Variants in PPP2R2C observed in about 807,000 individuals in gnomAD.
The protein encoded by PPP2R2C is protein phosphatase 2 regulatory subunit Bgamma.
Under a neutral mutation model 45.3 loss-of-function variants are expected in PPP2R2C, and 10 were observed. That is an observed-to-expected ratio of 0.22 (90% CI 0.14 to 0.37). The LOEUF is 0.37. Among genes scored for constraint, PPP2R2C ranks in the 10% least tolerant of loss-of-function variants. The probability of loss-of-function intolerance (pLI) is 1.00; values close to 1 mark genes in which losing one functional copy is unlikely to be tolerated. For missense variants in PPP2R2C, 308 were observed against 619.7 expected, an observed-to-expected ratio of 0.50 and a Z score of 5.34; for synonymous variants, 257 against 245.4, an observed-to-expected ratio of 1.05 and a Z score of -0.44.
rs1050105193 is a variant in PPP2R2C at position 6,339,803 on chromosome 4, C to G, written c.791-6072G>C. 3.9e-4 allele frequency among the ~76,000 whole-genome samples: 60 copies of G among 152,280 alleles called. 1 individual carries two copies. The highest frequency in any genetic ancestry group is 1.4e-3 in the African/African-American group (57 of 41,564). ...CCCCTGGCTACCCTGGCCACGGGTC[C>G]CTCCTGTGATCTGATGGGATACAAG... is the stretch of plus-strand genomic sequence containing the variant. On this transcript the variant is annotated intron_variant, in intron 6 of 8. Transcript: ENST00000382599.
chr4:6,490,153 G>A (rs1386558471), intron 2 of PPP2R2C, among the ~76,000 whole-genome samples: 1 of 152,188 alleles, frequency 6.6e-6, no homozygotes, highest in Non-Finnish European at 1.5e-5. Flanking sequence ...CCAAAGGCCT[G>A]ATGCTCATCC....
At chr4:6,381,740 C>A in intron 1 of PPP2R2C, 2 of 1,588,954 alleles carry the variant, frequency 1.3e-6, no homozygotes, top group South Asian at 2.3e-5. Flanking sequence ...TTCTTCAGGT[C>A]ACTCAGGAAC....
intron 3 of PPP2R2C, among the ~76,000 whole-genome samples, chr4:6,376,928 G>A (rs1049209491): frequency 1.2e-4 from 18 of 152,292 alleles, no homozygotes; most frequent in East Asian, 1.9e-4. Context: ...GGTGCATGGC[G>A]GGAGAACACC....
At chr4:6,460,613 T>C (rs1379064809) in intron 1 of PPP2R2C, among the ~76,000 whole-genome samples, 1 of 152,128 alleles carries the variant, frequency 6.6e-6, no homozygotes, top group African/African-American at 2.4e-5. Flanking sequence ...TCAAAAACCA[T>C]CTTTCAGTGA....
At chr4:6,383,420 C>T (rs1716001177) in intron 1 of PPP2R2C, 1 of 1,289,898 alleles carries the variant, frequency 7.8e-7, no homozygotes, top group Non-Finnish European at 1.0e-6. Flanking sequence ...TCCCCAGCCT[C>T]ATCTACTGCT....
chr4:6,375,574 G>C (rs1328790105), intron 4 of PPP2R2C, among the ~76,000 whole-genome samples: 1 of 152,186 alleles, frequency 6.6e-6, no homozygotes, highest in Non-Finnish European at 1.5e-5. Context: ...TAGGTGAAAA[G>C]CACTTTACAG....
chr4:6,348,834 T>C (rs1449691951), intron 5 of PPP2R2C: 5 of 655,240 alleles, frequency 7.6e-6, no homozygotes, highest in Non-Finnish European at 9.5e-6. Context: ...CCTGAAGCCA[T>C]TCCCCCCAGA....
At chr4:6,436,003 A>G (rs1286464881) in intron 1 of PPP2R2C, among the ~76,000 whole-genome samples, 1 of 152,200 alleles carries the variant, frequency 6.6e-6, no homozygotes, top group African/African-American at 2.4e-5. Context: ...TAGGTCTTAG[A>G]GGGTGGAGTG....
rs1367995169 is a variant in PPP2R2C, at chr4:6,323,338, G to A, written c.1308C>T (p.Tyr436=). The change falls in exon 9 of 9, where the codon TAC becomes TAT. Residue 436 remains tyrosine (Y), a synonymous_variant. Coordinates refer to ENST00000382599, the MANE Select transcript of PPP2R2C (RefSeq NM_020416.4). The part of the protein sequence containing the change: ...IIAIAATNNL[Y]IFQDKVNSDM... ...CAGAGTTTACCTTGTCCTGGAAGATGTACAGGTTGTTGGTGGCGGCGATGG... is the reference window on the plus strand; with the variant it reads ...CAGAGTTTACCTTGTCCTGGAAGATATACAGGTTGTTGGTGGCGGCGATGG... 1.2e-6 allele frequency: 2 copies of A among 1,612,732 alleles called. No individual in the cohort carries two copies. The highest frequency in any genetic ancestry group is 1.3e-5 in the African/African-American group (1 of 74,932).
chr4:6,414,160 C>A (rs1718404622), intron 1 of PPP2R2C: 1 of 1,080,442 alleles, frequency 9.3e-7, no homozygotes, highest in Non-Finnish European at 1.2e-6. Context: ...AAAATACGGC[C>A]TAGTATGCCT....
chr4:6,359,044 A>G (rs963755085), intron 5 of PPP2R2C, among the ~76,000 whole-genome samples: 1 of 152,254 alleles, frequency 6.6e-6, no homozygotes, highest in African/African-American at 2.4e-5. Context: ...ACACATGCAC[A>G]TGTATGTTTA....
chr4:6,369,588 C>T (rs146035696), intron 5 of PPP2R2C, among the ~76,000 whole-genome samples: 1 of 152,322 alleles, frequency 6.6e-6, no homozygotes, highest in Non-Finnish European at 1.5e-5. Flanking sequence ...TTCGGGGCCC[C>T]TACCCCAAGA....
chr4:6,554,887 A>AAAGGAAGGAAGG (rs1185835295), intron 1 of PPP2R2C, among the ~76,000 whole-genome samples: 2 of 106,068 alleles, frequency 1.9e-5, no homozygotes, highest in African/African-American at 7.7e-5. Flanking sequence ...AAAGAAAAAG[A>AAAGGAAGGAAGG]AAGGAAGGAA....
At chr4:6,429,744 TG>T (rs1719517362) in intron 1 of PPP2R2C, among the ~76,000 whole-genome samples, 1 of 152,176 alleles carries the variant, frequency 6.6e-6, no homozygotes, top group Non-Finnish European at 1.5e-5. Flanking sequence ...GCTAACACCA[TG>T]GCATCAATTC....
chr4:6,467,415 T>C (rs932776727), intron 1 of PPP2R2C, among the ~76,000 whole-genome samples: 12 of 152,152 alleles, frequency 7.9e-5, no homozygotes, highest in Non-Finnish European at 1.6e-4. Flanking sequence ...CCGTGTGACC[T>C]GCCCAATATT....
At chr4:6,429,973 C>T (rs540330999) in intron 1 of PPP2R2C, among the ~76,000 whole-genome samples, 8 of 152,286 alleles carry the variant, frequency 5.3e-5, no homozygotes, top group East Asian at 1.9e-4. Flanking sequence ...CCTTGCCCAA[C>T]GTCACACAGC....
At chr4:6,410,128 C>T (rs73206156) in intron 1 of PPP2R2C, among the ~76,000 whole-genome samples, 4 of 152,304 alleles carry the variant, frequency 2.6e-5, no homozygotes, top group Non-Finnish European at 5.9e-5. Flanking sequence ...CACCTCAGGC[C>T]CACTCTCTTT....
At chr4:6,374,754 C>A (rs1215679518) in intron 4 of PPP2R2C, among the ~76,000 whole-genome samples, 1 of 152,182 alleles carries the variant, frequency 6.6e-6, no homozygotes, top group Non-Finnish European at 1.5e-5. Context: ...CTGAGTTGAA[C>A]CTTGCTCACC....
intron 2 of PPP2R2C, among the ~76,000 whole-genome samples, chr4:6,498,109 G>A (rs572713004): frequency 6.6e-6 from 1 of 152,162 alleles, no homozygotes; most frequent in Non-Finnish European, 1.5e-5. Context: ...CAAATCTTGG[G>A]AGACACGATC....
Sources: allele counts gnomAD v4.1 joint callset (sites outside exome capture counted in the v4.1 genomes callset), GRCh38; gene constraint gnomAD v4.1.1; transcripts MANE v1.5; gene names NCBI Gene and HGNC (gene_info 2026-07-23, HGNC 2026-07-21).